Variants in TDRD12 observed in about 807,000 individuals in gnomAD.
The protein encoded by TDRD12 is putative ATP-dependent RNA helicase TDRD12.
A neutral mutation model predicts 133.5 loss-of-function variants in TDRD12; 158 were observed. The observed-to-expected ratio is 1.18, with a 90% CI of 1.04 to 1.35. The LOEUF (loss-of-function observed/expected upper bound fraction) is 1.35, where lower values mean the gene tolerates loss of function less well. TDRD12 is among the 40% of genes most tolerant of loss of function. TDRD12 has a pLI of 0.00. For missense variants in TDRD12, 1,443 were observed against 1,321.3 expected (o/e 1.09, Z -1.43); for synonymous variants, 460 against 477.9 (o/e 0.96, Z 0.49).
intron 1 of TDRD12, among the ~76,000 whole-genome samples, chr19:32,728,868 C>T (rs1465873782): frequency 2.9e-5 from 4 of 138,818 alleles, no homozygotes; most frequent in Admixed American, 1.6e-4. Context: ...AGGATGGTTT[C>T]GATCTCCTAA....
exon 9 of TDRD12, chr19:32,772,831 C>G: frequency 1.3e-6 from 2 of 1,483,186 alleles, no homozygotes; most frequent in Non-Finnish European, 1.8e-6. Flanking sequence ...CATTGCATCT[C>G]TTTAAAAGAT....
chr19:32,734,805 C>T (rs1599835739), intron 2 of TDRD12, among the ~76,000 whole-genome samples: 1 of 152,100 alleles, frequency 6.6e-6, no homozygotes, highest in African/African-American at 2.4e-5. Flanking sequence ...CACAGCAGGT[C>T]CTCACTTCAT....
At chr19:32,827,315 A>C (rs1967622882) in exon 10 of TDRD12, 1 of 1,094,544 alleles carries the variant, frequency 9.1e-7, no homozygotes, top group East Asian at 3.3e-5. Flanking sequence ...GGATATTGCC[A>C]TGTGACCGAC....
At chr19:32,765,444 G>A (rs1970267455) in intron 8 of TDRD12, among the ~76,000 whole-genome samples, 1 of 152,202 alleles carries the variant, frequency 6.6e-6, no homozygotes, top group Admixed American at 6.5e-5. Flanking sequence ...GCACACATAT[G>A]TTTATTGCGG....
At chr19:32,784,114 A>T (rs186965441) in intron 11 of TDRD12, among the ~76,000 whole-genome samples, 1 of 152,140 alleles carries the variant, frequency 6.6e-6, no homozygotes, top group Non-Finnish European at 1.5e-5. Context: ...ATTCAGCATG[A>T]TATTGGCTGT....
chr19:32,794,809 A>C, exon 14 of TDRD12: 1 of 703,134 alleles, frequency 1.4e-6, no homozygotes, highest in South Asian at 1.5e-5. Context: ...CCAAGTAGAA[A>C]TGGAGTAAGT....
intron 21 of TDRD12, among the ~76,000 whole-genome samples, chr19:32,803,361 CG>C (rs1423945770): frequency 2.6e-5 from 4 of 152,316 alleles, no homozygotes; most frequent in African/African-American, 7.2e-5. Context: ...GAAATGGCAT[CG>C]TGGTATGTTC....
intron 16 of TDRD12, among the ~76,000 whole-genome samples, chr19:32,798,769 G>A (rs1971302402): frequency 6.6e-6 from 1 of 152,192 alleles, no homozygotes. Context: ...CATAGTTTCA[G>A]AAGGGATCCC....
chr19:32,719,981 G>C, exon 1 of TDRD12: 1 of 1,471,084 alleles, frequency 6.8e-7, no homozygotes, highest in Non-Finnish European at 9.2e-7. Context: ...CTCGCGGCGG[G>C]GGCCTGGCCG....
intron 6 of TDRD12, among the ~76,000 whole-genome samples, chr19:32,750,091 T>C (rs1395443621): frequency 6.7e-6 from 1 of 149,678 alleles, no homozygotes; most frequent in Non-Finnish European, 1.5e-5. Context: ...GTCAAGAAAT[T>C]ATTCCTATAG....
At chr19:32,767,660 C>T (rs1170728845) in intron 8 of TDRD12, among the ~76,000 whole-genome samples, 1 of 152,200 alleles carries the variant, frequency 6.6e-6, no homozygotes, top group African/African-American at 2.4e-5. Flanking sequence ...CACTGTATCT[C>T]CCTTCCAGCT....
exon 10 of TDRD12, chr19:32,828,314 G>T (rs1599641183): frequency 6.6e-6 from 1 of 152,174 alleles, no homozygotes; most frequent in African/African-American, 2.4e-5. Context: ...GGTGCCTGGA[G>T]GTGATCTTTG....
chr19:32,756,106 T>C, exon 7 of TDRD12: 1 of 1,480,950 alleles, frequency 6.8e-7, no homozygotes, highest in Admixed American at 3.1e-5. Context: ...ATCAGCACCC[T>C]CCTTCAATAA....
Position 32,818,153 on chromosome 19 carries a change from C to T in TDRD12, c.3379C>T (p.Gln1127Ter), listed in dbSNP as rs1032142430. ...TCATCCATCCGAGGAGCAGGGGGGGCAGGGGTGAGTAAGAACACCACAGAG... is the reference window on the plus strand; with the variant it reads ...TCATCCATCCGAGGAGCAGGGGGGGTAGGGGTGAGTAAGAACACCACAGAG... The change falls in exon 27 of 28, where the codon CAG (glutamine) becomes TAG (stop). Residue 1127 changes from glutamine (Q) to a stop codon, truncating the protein, a stop_gained. Coordinates refer to ENST00000444215, the Ensembl canonical transcript of TDRD12. LOFTEE classifies it low-confidence loss of function (END_TRUNC). 1 of 701,616 alleles carries T rather than the reference C, an allele frequency of 1.4e-6. No individual in the cohort carries two copies. The highest frequency in any genetic ancestry group is 1.5e-5 in the South Asian group (1 of 67,424). 43.5% of individuals were successfully genotyped at this position (701,616 alleles called of 1,614,324 possible).
intron 2 of TDRD12, among the ~76,000 whole-genome samples, chr19:32,736,445 A>G (rs756726113): frequency 1.3e-5 from 2 of 152,208 alleles, no homozygotes; most frequent in South Asian, 2.1e-4. Flanking sequence ...GTCACTGAAG[A>G]GCTCTCATGG....
exon 24 of TDRD12, chr19:32,811,316 C>G (rs1300869122): frequency 6.5e-7 from 1 of 1,536,112 alleles, no homozygotes; most frequent in Non-Finnish European, 8.7e-7. Context: ...AAGGGACCAG[C>G]TGCTGCATCT....
chr19:32,791,212 G>T, intron 13 of TDRD12, 144 bp downstream of exon 13: 1 of 856,946 alleles, frequency 1.2e-6, no homozygotes, highest in Non-Finnish European at 1.7e-6. Context: ...ACAGGCATGA[G>T]CCACCACACT....
chr19:32,758,562 C>G (rs1192330870), intron 8 of TDRD12, among the ~76,000 whole-genome samples: 1 of 152,162 alleles, frequency 6.6e-6, no homozygotes, highest in Non-Finnish European at 1.5e-5. Context: ...CCCCATCTCG[C>G]TAGGCATTTG....
intron 7 of TDRD12, among the ~76,000 whole-genome samples, chr19:32,756,480 C>G (rs539058697): frequency 1.3e-5 from 2 of 151,570 alleles, no homozygotes; most frequent in Non-Finnish European, 2.9e-5. Context: ...CTCCTCCCCC[C>G]AGGTTCACAC....
Sources: gnomAD v4.1 joint callset for allele counts (sites outside exome capture counted in the v4.1 genomes callset) on GRCh38, gnomAD v4.1.1 for gene constraint, MANE v1.5 for transcripts, NCBI Gene and HGNC (gene_info 2026-07-23, HGNC 2026-07-21) for gene names.